Variants in SNAPC4 observed in about 807,000 individuals in gnomAD.
SNAPC4 encodes the protein small nuclear RNA activating complex polypeptide 4.
SNAPC4 carries 127 observed loss-of-function variants against 151.3 expected under a neutral mutation model. The ratio of observed to expected loss-of-function variants is 0.84; its 90% CI spans 0.73 to 0.97. The LOEUF is 0.97. Ranked by LOEUF, SNAPC4 falls within the 50% of genes least tolerant of loss-of-function variation. The pLI is 0.00. For missense variants in SNAPC4, 2,186 were observed against 1,935.0 expected (o/e 1.13, Z -2.43); for synonymous variants, 1,002 against 824.4 (o/e 1.22, Z -3.69).
intron 13 of SNAPC4, among the ~76,000 whole-genome samples, chr9:136,385,312 C>G (rs534115427): frequency 2.6e-5 from 4 of 152,312 alleles, no homozygotes; most frequent in Non-Finnish European, 5.9e-5. Context: ...AAAACCGGAG[C>G]CCTCATACAT....
chr9:136,391,834 T>C, intron 10 of SNAPC4, 108 bp downstream of exon 10: 1 of 1,216,998 alleles, frequency 8.2e-7, no homozygotes, highest in Non-Finnish European at 1.1e-6. Flanking sequence ...CATAGAAACC[T>C]GGCGGTGAGT....
intron 1 of SNAPC4, among the ~76,000 whole-genome samples, 182 bp downstream of exon 1, chr9:136,399,952 C>T (rs1410068151): frequency 6.6e-6 from 1 of 152,132 alleles, no homozygotes; most frequent in Non-Finnish European, 1.5e-5. Flanking sequence ...GCCAGAATCC[C>T]CGCGCGCCCA....
intron 12 of SNAPC4, 63 bp downstream of exon 12, chr9:136,387,679 G>A: frequency 7.3e-7 from 1 of 1,377,234 alleles, no homozygotes; most frequent in Admixed American, 1.7e-5. Flanking sequence ...GGGCACAGCA[G>A]CCGCTGAACA....
intron 1 of SNAPC4, among the ~76,000 whole-genome samples, chr9:136,399,008 A>T (rs1834363891): frequency 6.6e-6 from 1 of 152,270 alleles, no homozygotes; most frequent in Non-Finnish European, 1.5e-5. Context: ...CTGTACATCC[A>T]GAACAACGCC....
At position 136,377,914 on chromosome 9, in the gene SNAPC4, G is replaced by A. The variant is rs750376191; in HGVS notation, c.3913C>T (p.Pro1305Ser). 2.5e-5 allele frequency: 40 copies of A among 1,610,400 alleles called. No homozygotes were observed. The highest frequency in any genetic ancestry group is 3.3e-5 in the Non-Finnish European group (39 of 1,179,332). ...PLLGSRLPYQ[P>S]PALCSLRALS... is the part of the protein sequence containing the mutation. ...GCTCGCAGGCTGCACAGGGCTGGGG[G>A]CTGATAGGGCAGTCTGCTGCCCAGA... Residue 1305 changes from proline to serine, a missense_variant, in exon 22 of 24, where the codon CCC (proline) becomes TCC (serine). Transcript: ENST00000684778.
chr9:136,398,982 G>A (rs895668604), intron 1 of SNAPC4, among the ~76,000 whole-genome samples: 40 of 152,376 alleles, frequency 2.6e-4, no homozygotes, highest in African/African-American at 9.4e-4. Context: ...CTCCCAAAGG[G>A]AAGGCTGGCT....
Position 136,378,302 on chromosome 9 carries a change from A to T in SNAPC4, c.3525T>A (p.Pro1175=). 6.2e-7 allele frequency: 1 copy of T among 1,604,008 alleles called. No individual in the cohort carries two copies. The highest frequency in any genetic ancestry group is 8.5e-7 in the Non-Finnish European group (1 of 1,175,866). ...AEADGSVAFV[P]GEAQVAREIP... ...TCTCCCTGGCCACCTGGGCCTCTCC[A>T]GGGACAAAGGCCACACTGCCATCCG... Residue 1175 remains proline, a synonymous_variant, in exon 22 of 24, where the codon CCT becomes CCA. Coordinates refer to ENST00000684778, the MANE Select transcript of SNAPC4 (RefSeq NM_003086.4).
intron 10 of SNAPC4, among the ~76,000 whole-genome samples, chr9:136,389,579 G>T (rs894409076): frequency 6.6e-6 from 1 of 152,184 alleles, no homozygotes; most frequent in Admixed American, 6.5e-5. Context: ...CCTAGTCAAC[G>T]TGTGTGAGCC....
chr9:136,391,873 C>G, intron 10 of SNAPC4, 69 bp downstream of exon 10: 1 of 1,520,676 alleles, frequency 6.6e-7, no homozygotes, highest in South Asian at 1.2e-5. Context: ...ACCCGTCCAG[C>G]AGCCTCCCGC....
rs970200681 is a variant in SNAPC4, at chr9:136,392,045, C to G, written c.872G>C (p.Ser291Thr). The G allele has an allele frequency of 6.2e-7, 1 of 1,612,466 alleles. No homozygotes were observed. Reference protein sequence around the residue: ...RKFWQNSEHPSINKQEWSREE... With the variant: ...RKFWQNSEHPTINKQEWSREE... Reference sequence around the variant, plus strand: ...CCTGCTCCACTCCTGCTTGTTGATGCTGGGGTGCTCCGAGTTCTGCCAGAA... The same window carrying G: ...CCTGCTCCACTCCTGCTTGTTGATGGTGGGGTGCTCCGAGTTCTGCCAGAA... The change falls in exon 10 of 24, where the codon AGC becomes ACC. Residue 291 changes from serine to threonine, a missense_variant. Physicochemically the swap from Ser to Thr is moderately conservative, Grantham distance 58. Coordinates refer to ENST00000684778, the MANE Select transcript of SNAPC4 (RefSeq NM_003086.4).
chr9:136,382,228 C>A, intron 17 of SNAPC4, 25 bp downstream of exon 17: 1 of 1,609,680 alleles, frequency 6.2e-7, no homozygotes, highest in Non-Finnish European at 8.5e-7. Flanking sequence ...GTGGCGTGCG[C>A]GTGGGTGTCT....
At position 136,379,259 on chromosome 9, in the gene SNAPC4, C is replaced by G; in HGVS notation, c.2568G>C (p.Lys856Asn). ...FPNVPAQEAS[K>N]SASHKGSRRL... ...TTCGGCTCCCTTTGTGGCTGGCACT[C>G]TTTGAGGCTTCTTGAGCCGGCACGT... Residue 856 changes from lysine (K) to asparagine (N), a missense_variant, in exon 22 of 24, where the codon AAG becomes AAC. By Grantham distance (94) the Lys-to-Asn change is moderately conservative. Transcript: ENST00000684778. The G allele has an allele frequency of 6.2e-7, 1 of 1,612,624 alleles. No homozygotes were observed. Among genetic ancestry groups the G allele is most frequent in the Non-Finnish European group, 8.5e-7 (1 of 1,179,946 alleles).
At chr9:136,389,131 T>C (rs558815640) in intron 10 of SNAPC4, among the ~76,000 whole-genome samples, 3 of 152,288 alleles carry the variant, frequency 2.0e-5, no homozygotes, top group African/African-American at 7.2e-5. Flanking sequence ...CTTCCCTGTG[T>C]GGCTCGGCTC....
intron 13 of SNAPC4, among the ~76,000 whole-genome samples, 193 bp from the exon 14 acceptor site, chr9:136,385,007 T>C (rs1191201392): frequency 2.0e-5 from 3 of 152,156 alleles, no homozygotes; most frequent in South Asian, 2.1e-4. Context: ...AAGTAGAAAG[T>C]GTACAGGCTG....
intron 21 of SNAPC4, among the ~76,000 whole-genome samples, chr9:136,379,522 C>T (rs1465559887): frequency 2.0e-5 from 3 of 152,228 alleles, no homozygotes; most frequent in Non-Finnish European, 4.4e-5. Context: ...GAAACCCAGC[C>T]CATTTAATGC....
chr9:136,390,173 A>C (rs1419917012), intron 10 of SNAPC4, among the ~76,000 whole-genome samples: 2 of 152,172 alleles, frequency 1.3e-5, no homozygotes, highest in African/African-American at 4.8e-5. Context: ...ACAAAGCCAG[A>C]GGCTGGTCAG....
chr9:136,378,607 G>A lies in SNAPC4; in HGVS notation c.3220C>T (p.Leu1074=). Residue 1074 remains leucine, a synonymous_variant, in exon 22 of 24, where the codon CTG becomes TTG. Coordinates refer to ENST00000684778, the MANE Select transcript of SNAPC4 (RefSeq NM_003086.4). Reference sequence around the variant, plus strand: ...GCTGTGAGCACCCAGGTGACAGGCAGGGGGACACTGGTCGCCACATGTGGC... The same window carrying A: ...GCTGTGAGCACCCAGGTGACAGGCAAGGGGACACTGGTCGCCACATGTGGC... The part of the protein sequence containing the change: ...GGPHVATSVP[L]PVTWVLTAQG... 6.4e-7 allele frequency: 1 copy of A among 1,574,210 alleles called. No individual in the cohort carries two copies. Among genetic ancestry groups the A allele is most frequent in the Non-Finnish European group, 8.6e-7 (1 of 1,162,764 alleles).
At chr9:136,393,251 T>C (rs986069904) in intron 7 of SNAPC4, among the ~76,000 whole-genome samples, 8 of 152,236 alleles carry the variant, frequency 5.3e-5, no homozygotes, top group African/African-American at 1.9e-4. Context: ...ACCATGCACA[T>C]CAGGCCACGG....
chr9:136,396,798 G>T (rs183046142), intron 3 of SNAPC4, among the ~76,000 whole-genome samples, 179 bp downstream of exon 3: 87 of 152,276 alleles, frequency 5.7e-4, no homozygotes, highest in African/African-American at 2.1e-3. Context: ...TGTTAACAGT[G>T]GTTATTTCTG....
Sources: gnomAD v4.1 joint callset for allele counts (sites outside exome capture counted in the v4.1 genomes callset) on GRCh38, gnomAD v4.1.1 for gene constraint, MANE v1.5 for transcripts, NCBI Gene and HGNC (gene_info 2026-07-23, HGNC 2026-07-21) for gene names.